Variants in AFF2 observed in about 807,000 individuals in gnomAD.
AFF2 encodes the protein ALF transcription elongation factor 2.
In AFF2, 14 loss-of-function variants were observed where a neutral mutation model predicts 76.9. The ratio of observed to expected loss-of-function variants is 0.18; its 90% CI spans 0.12 to 0.28. AFF2 has a LOEUF of 0.28. Among genes scored for constraint, AFF2 ranks in the 10% least tolerant of loss-of-function variants. The pLI is 1.00. For synonymous variants in AFF2, 398 were observed against 366.7 expected, an observed-to-expected ratio of 1.09 and a Z score of -0.98; for missense variants, 868 against 1,001.1, an observed-to-expected ratio of 0.87 and a Z score of 1.79.
chrX:148,545,822 T>G (rs2052914604), intron 1 of AFF2, among the ~76,000 whole-genome samples: 1 of 111,042 alleles, frequency 9.0e-6, no homozygotes, highest in African/African-American at 3.3e-5. Context: ...TGTGATTCAC[T>G]GGGTCTGGGG....
At chrX:148,894,888 G>GATATAT (rs201173844) in intron 8 of AFF2, among the ~76,000 whole-genome samples, 139 of 108,624 alleles carry the variant, frequency 1.3e-3, no homozygotes, top group African/African-American at 4.8e-3. Context: ...TAAAATGTGA[G>GATATAT]ATAGATAGAT....
intron 3 of AFF2, among the ~76,000 whole-genome samples, chrX:148,734,743 A>G (rs1441000680): frequency 8.9e-6 from 1 of 112,110 alleles, no homozygotes; most frequent in Admixed American, 9.5e-5. Context: ...AGTGAAACCC[A>G]ATGTCTACTA....
chrX:148,636,972 G>C (rs899972935), intron 1 of AFF2, among the ~76,000 whole-genome samples: 2 of 111,873 alleles, frequency 1.8e-5, no homozygotes, highest in Admixed American at 1.9e-4. Flanking sequence ...CCGGAATAGT[G>C]CTTAGGATCT....
chrX:148,522,193 G>T, intron 1 of AFF2, among the ~76,000 whole-genome samples: 1 of 112,339 alleles, frequency 8.9e-6, no homozygotes, highest in Non-Finnish European at 1.9e-5. Flanking sequence ...GAGGAAACAT[G>T]GGTTGCACCT....
At chrX:148,606,889 G>T (rs5936408) in intron 1 of AFF2, among the ~76,000 whole-genome samples, 1,188 of 111,132 alleles carry the variant, frequency 0.011, 14 homozygotes, top group Non-Finnish European at 0.017. Context: ...ATTCAGGCCT[G>T]AATTAGTCAA....
chrX:148,628,164 T>G (rs2053945277), intron 1 of AFF2, among the ~76,000 whole-genome samples: 1 of 111,421 alleles, frequency 9.0e-6, no homozygotes, highest in Non-Finnish European at 1.9e-5. Flanking sequence ...TGGAACTGCT[T>G]TGAAGTGAGA....
chrX:148,754,916 A>G (rs1383887661), intron 3 of AFF2, among the ~76,000 whole-genome samples: 1 of 111,907 alleles, frequency 8.9e-6, no homozygotes, highest in Non-Finnish European at 1.9e-5. Flanking sequence ...ACAATGAAAT[A>G]AATAACAGGA....
chrX:148,981,985 GAA>G (rs1334049451), intron 19 of AFF2, among the ~76,000 whole-genome samples: 7 of 112,032 alleles, frequency 6.2e-5, no homozygotes, highest in African/African-American at 2.3e-4. Context: ...GAACAAAAGA[GAA>G]AGAGTGCTTC....
At chrX:148,906,303 A>G (rs190284126) in intron 9 of AFF2, among the ~76,000 whole-genome samples, 45 of 112,032 alleles carry the variant, frequency 4.0e-4, no homozygotes, top group African/African-American at 1.4e-3. Context: ...GCACAACCCT[A>G]CTATGCCCCC....
At chrX:148,655,841 G>A (rs2054246361) in intron 2 of AFF2, among the ~76,000 whole-genome samples, 1 of 110,941 alleles carries the variant, frequency 9.0e-6, no homozygotes, top group Non-Finnish European at 1.9e-5. Flanking sequence ...TCCTAGAGCT[G>A]GCCCATGGTC....
At chrX:148,519,489 GC>G (rs1296702438) in intron 1 of AFF2, among the ~76,000 whole-genome samples, 13 of 112,043 alleles carry the variant, frequency 1.2e-4, no homozygotes, top group Admixed American at 6.6e-4. Flanking sequence ...ATAATACGAA[GC>G]GGAAGAAACT....
rs894985775 is a variant in AFF2, at chrX:148,599,000, C to T, written c.48-52999C>T. On this transcript the variant is annotated intron_variant, in intron 1 of 20. Coordinates refer to ENST00000370460, the MANE Select transcript of AFF2 (RefSeq NM_002025.4). ...GTCTTTCTCTATGTTAACTCTAGAA[C>T]GGTAACAGAGTAGGTAAATAGTTGT... Among the ~76,000 whole-genome samples the T allele has an allele frequency of 5.3e-5, 6 of 112,309 alleles. No individual in the cohort carries two copies. The South Asian group carries it at 1.1e-3, about 21-fold the overall frequency.
intron 3 of AFF2, among the ~76,000 whole-genome samples, chrX:148,747,778 A>G (rs947692795): frequency 2.7e-5 from 3 of 112,064 alleles, no homozygotes; most frequent in Non-Finnish European, 5.6e-5. Context: ...TATATGGTTC[A>G]ATGCAAGTGA....
intron 3 of AFF2, among the ~76,000 whole-genome samples, chrX:148,784,205 A>G (rs2069783169): frequency 8.9e-6 from 1 of 112,040 alleles, no homozygotes; most frequent in South Asian, 3.7e-4. Context: ...ATGTCCAACA[A>G]TGCTGCCACC....
intron 1 of AFF2, among the ~76,000 whole-genome samples, chrX:148,607,455 C>T (rs1034662404): frequency 3.6e-5 from 4 of 111,441 alleles, no homozygotes; most frequent in Non-Finnish European, 7.6e-5. Context: ...CCCCTGCACA[C>T]ACACTCTTGC....
intron 12 of AFF2, 85 bp from the exon 13 acceptor site, chrX:148,962,630 C>T (rs782693305): frequency 2.9e-5 from 23 of 797,208 alleles, no homozygotes; most frequent in Non-Finnish European, 4.1e-5. Context: ...AATATGACTT[C>T]AGCTTACAGT....
intron 2 of AFF2, among the ~76,000 whole-genome samples, chrX:148,653,229 T>A (rs190553300): frequency 2.7e-5 from 3 of 111,833 alleles, no homozygotes; most frequent in African/African-American, 6.5e-5. Flanking sequence ...AATAGTATGA[T>A]CCCTAAAAAA....
At chrX:148,802,919 C>T (rs1293614713) in intron 3 of AFF2, among the ~76,000 whole-genome samples, 1 of 111,863 alleles carries the variant, frequency 8.9e-6, no homozygotes, top group East Asian at 2.8e-4. Flanking sequence ...TGTATTAGTT[C>T]AATCTAGTTT....
At chrX:148,745,806 G>A (rs1309102038) in intron 3 of AFF2, among the ~76,000 whole-genome samples, 9 of 110,637 alleles carry the variant, frequency 8.1e-5, no homozygotes, top group African/African-American at 2.0e-4. Context: ...GTAGTGGTGC[G>A]ATCTCGGTTC....
Sources: allele counts gnomAD v4.1 joint callset (sites outside exome capture counted in the v4.1 genomes callset), GRCh38; gene constraint gnomAD v4.1.1; transcripts MANE v1.5; gene names NCBI Gene and HGNC (gene_info 2026-07-23, HGNC 2026-07-21).